The following EMC1 variants were observed in gnomAD, a reference collection of about 807,000 sequenced individuals.
The protein encoded by EMC1 is ER membrane protein complex subunit 1.
A neutral mutation model predicts 128.8 loss-of-function variants in EMC1; 103 were observed. That is an observed-to-expected ratio of 0.80 (90% CI 0.68 to 0.94). The LOEUF (loss-of-function observed/expected upper bound fraction) is 0.94. Among genes scored for constraint, EMC1 ranks in the 40% least tolerant of loss-of-function variants. The probability of loss-of-function intolerance (pLI) is 0.00; values close to 1 mark genes in which losing one functional copy is unlikely to be tolerated. For synonymous variants in EMC1, 442 were observed against 490.4 expected, an observed-to-expected ratio of 0.90 and a Z score of 1.30; for missense variants, 1,083 against 1,250.6, an observed-to-expected ratio of 0.87 and a Z score of 2.02.
At chr1:19,251,376 C>A in intron 1 of EMC1, 39 bp downstream of exon 1, 4 of 1,569,254 alleles carry the variant, frequency 2.5e-6, no homozygotes, top group Non-Finnish European at 3.5e-6. Flanking sequence ...ACTGGGGAAA[C>A]AGCCACTTAT....
In EMC1 at chr1:19,238,784, C is replaced by A; in HGVS notation, c.1089+11G>T. 1 of 1,598,516 alleles carries A rather than the reference C, an allele frequency of 6.3e-7. No homozygotes were observed. Among genetic ancestry groups the A allele is most frequent in the South Asian group, 1.1e-5 (1 of 90,762 alleles). ...TCTAGGTCTGGCATACTGCCCAGTG[C>A]CACACCATACCTTTGAACTAGACTT... On this transcript the variant is annotated intron_variant, in intron 10 of 22. Coordinates refer to ENST00000477853, the MANE Select transcript of EMC1 (RefSeq NM_015047.3).
chr1:19,222,679 G>A lies in EMC1; in HGVS notation c.2532C>T (p.Ile844=), dbSNP rs137867897. Residue 844 remains isoleucine (I), a synonymous_variant, in exon 20 of 23, where the codon ATC becomes ATT. Coordinates refer to ENST00000477853, the MANE Select transcript of EMC1 (RefSeq NM_015047.3). ...LQQSYIFPSS[I]SAMEATITER... ...CGGTGATGGTGGCCTCCATGGCACT[G>A]ATGGAGGACGGGAAGATATAGGACT... 1 of 1,614,168 alleles carries A rather than the reference G, an allele frequency of 6.2e-7. No homozygotes were observed. Among genetic ancestry groups the A allele is most frequent in the African/African-American group, 1.3e-5 (1 of 75,046 alleles).
intron 17 of EMC1, 48 bp downstream of exon 17, chr1:19,230,796 C>T (rs773748023): frequency 1.2e-6 from 2 of 1,610,288 alleles, no homozygotes; most frequent in East Asian, 2.2e-5. Flanking sequence ...GGCCAGGAAA[C>T]ACCTGCATCT....
At chr1:19,230,129 C>A (rs575914556) in intron 17 of EMC1, among the ~76,000 whole-genome samples, 2 of 152,268 alleles carry the variant, frequency 1.3e-5, no homozygotes, top group African/African-American at 4.8e-5. Context: ...GCAAACTGAC[C>A]CCCTTTCTAG....
chr1:19,242,579 C>T, intron 4 of EMC1, 106 bp from the exon 5 acceptor site: 1 of 1,278,604 alleles, frequency 7.8e-7, no homozygotes, highest in East Asian at 2.4e-5. Context: ...AGAAAACAGG[C>T]TTTGGGGTCA....
rs1397331659 is a variant in EMC1 at position 19,240,465 on chromosome 1, T to A, written c.637-19A>T. Reference sequence around the variant, plus strand: ...CCCTAACCTACAGAAAAGTCATCGTTAACAGGAAGCTCGTGAAAGATTTTT... The same window carrying A: ...CCCTAACCTACAGAAAAGTCATCGTAAACAGGAAGCTCGTGAAAGATTTTT... On this transcript the variant is annotated intron_variant, in intron 6 of 22. Transcript: ENST00000477853. The A allele has an allele frequency of 6.2e-7, 1 of 1,613,200 alleles. No homozygotes were observed. The highest frequency in any genetic ancestry group is 8.5e-7 in the Non-Finnish European group (1 of 1,179,508).
chr1:19,224,734 C>T (rs186866763), intron 18 of EMC1, among the ~76,000 whole-genome samples: 12 of 152,316 alleles, frequency 7.9e-5, no homozygotes, highest in Non-Finnish European at 1.5e-5. Flanking sequence ...CTGAAAACTT[C>T]CCAGTGGCTC....
intron 15 of EMC1, 90 bp downstream of exon 15, chr1:19,232,534 C>A: frequency 6.9e-7 from 1 of 1,452,454 alleles, no homozygotes; most frequent in East Asian, 2.3e-5. Flanking sequence ...CATTAACTCA[C>A]ACAATTCCAA....
Position 19,225,185 on chromosome 1 carries a change from G to A in EMC1, c.2203-1616C>T, listed in dbSNP as rs147231073. On this transcript the variant is annotated intron_variant, in intron 18 of 22. Coordinates refer to ENST00000477853, the MANE Select transcript of EMC1 (RefSeq NM_015047.3). ...TGTTTTGCCCATTTTATATCCCAGT[G>A]TCTAAATGAGTGCCTGCATCCAGCT... 6.6e-5 allele frequency among the ~76,000 whole-genome samples: 10 copies of A among 152,312 alleles called. No homozygotes were observed. In the East Asian group the frequency reaches 1.9e-3, roughly 29 times the overall value.
At chr1:19,234,279 G>C in intron 13 of EMC1, 5 of 602,462 alleles carry the variant, frequency 8.3e-6, no homozygotes, top group Non-Finnish European at 1.0e-5. Flanking sequence ...CTGGTCCAGA[G>C]CAGGCCCTCA....
At chr1:19,240,990 C>T (rs1558109839) in intron 6 of EMC1, 26 bp downstream of exon 6, 1 of 1,611,668 alleles carries the variant, frequency 6.2e-7, no homozygotes, top group Non-Finnish European at 8.5e-7. Context: ...CCACCTTATT[C>T]ACAGGCTCCT....
intron 1 of EMC1, among the ~76,000 whole-genome samples, chr1:19,249,177 T>A (rs2093645446): frequency 6.6e-6 from 1 of 152,172 alleles, no homozygotes; most frequent in Admixed American, 6.5e-5. Context: ...TTGAAGAAAT[T>A]TTATAAATTT....
chr1:19,245,623 C>CTTTTTTTTTTTTTTTTTT (rs1458650826), intron 1 of EMC1, among the ~76,000 whole-genome samples: 1 of 97,348 alleles, frequency 1.0e-5, no homozygotes, highest in African/African-American at 5.7e-5. Context: ...GGCACCTTAC[C>CTTTTTTTTTTTTTTTTTT]TTTCTTTTTT....
chr1:19,237,686 C>T (rs544682836), intron 11 of EMC1, among the ~76,000 whole-genome samples: 1 of 152,260 alleles, frequency 6.6e-6, no homozygotes, highest in African/African-American at 2.4e-5. Context: ...TTACTGGCTC[C>T]GTGACTCTGG....
chr1:19,250,149 C>T (rs1393276882), intron 1 of EMC1, among the ~76,000 whole-genome samples: 1 of 127,910 alleles, frequency 7.8e-6, no homozygotes, highest in Non-Finnish European at 1.6e-5. Flanking sequence ...ACCCCAGAGG[C>T]GGAGGTTGTG....
At position 19,219,680 on chromosome 1, in the gene EMC1, C is replaced by A. The variant is rs779513279; in HGVS notation, c.2691G>T (p.Pro897=). 6.2e-7 allele frequency: 1 copy of A among 1,613,934 alleles called. No homozygotes were observed. The highest frequency in any genetic ancestry group is 8.5e-7 in the Non-Finnish European group (1 of 1,179,968). ...TEQSREENLI[P]YSPDVQIHAE... is the part of the protein sequence containing the mutation. ...CGTGTATCTGTACATCTGGAGAATA[C>A]GGGATTAAGTTCTCCTCTCTGCAAA... Residue 897 remains proline, a synonymous_variant, in exon 22 of 23, where the codon CCG becomes CCT. Coordinates refer to ENST00000477853, the MANE Select transcript of EMC1 (RefSeq NM_015047.3).
intron 7 of EMC1, 126 bp from the exon 8 acceptor site, chr1:19,240,111 C>T (rs2093595502): frequency 3.3e-6 from 4 of 1,223,298 alleles, no homozygotes; most frequent in Non-Finnish European, 4.5e-6. Context: ...GCTCCAAATG[C>T]TCCAGTTCAA....
chr1:19,220,023 A>C (rs2093419365), intron 21 of EMC1: 2 of 285,234 alleles, frequency 7.0e-6, no homozygotes, highest in Admixed American at 4.7e-5. Flanking sequence ...CACTAAGCTA[A>C]TTCCTGCTCT....
intron 1 of EMC1, among the ~76,000 whole-genome samples, chr1:19,246,369 G>A (rs904809076): frequency 2.0e-5 from 3 of 152,144 alleles, no homozygotes; most frequent in East Asian, 3.9e-4. Context: ...CATCCTGGGC[G>A]ACAGAGTGGG....
Sources: gnomAD v4.1 joint callset for allele counts (sites outside exome capture counted in the v4.1 genomes callset) on GRCh38, gnomAD v4.1.1 for gene constraint, MANE v1.5 for transcripts, NCBI Gene and HGNC (gene_info 2026-07-23, HGNC 2026-07-21) for gene names.